Variants in IL1RAPL1 observed in about 807,000 individuals in gnomAD.
IL1RAPL1 encodes the protein interleukin-1 receptor accessory protein-like 1.
In IL1RAPL1, 3 loss-of-function variants were observed where a neutral mutation model predicts 48.4. That is an observed-to-expected ratio of 0.06 (90% CI 0.03 to 0.16). The LOEUF is 0.16. Among genes scored for constraint, IL1RAPL1 ranks in the 10% least tolerant of loss-of-function variants. The probability of loss-of-function intolerance (pLI) is 1.00; values close to 1 mark genes in which losing one functional copy is unlikely to be tolerated. For synonymous variants in IL1RAPL1, 185 were observed against 187.7 expected, an observed-to-expected ratio of 0.99 and a Z score of 0.12; for missense variants, 349 against 530.6, an observed-to-expected ratio of 0.66 and a Z score of 3.36.
At chrX:29,002,710 A>T (rs1925884808) in intron 2 of IL1RAPL1, among the ~76,000 whole-genome samples, 1 of 112,162 alleles carries the variant, frequency 8.9e-6, no homozygotes, top group Non-Finnish European at 1.9e-5. Context: ...CAATTGAAAT[A>T]TTGAAAGCAA....
At position 29,764,434 on chromosome X, in the gene IL1RAPL1, C is replaced by T. The variant is rs527581723; in HGVS notation, c.778+95930C>T. On this transcript the variant is annotated intron_variant, in intron 6 of 10. Coordinates refer to ENST00000378993, the MANE Select transcript of IL1RAPL1 (RefSeq NM_014271.4). ...TTGTTTTTATTAGGAGACAGCCTCTCTGGGTTGCAATAGGTTGCAAGTTAT... is the reference window on the plus strand; with the variant it reads ...TTGTTTTTATTAGGAGACAGCCTCTTTGGGTTGCAATAGGTTGCAAGTTAT... 5.4e-5 allele frequency among the ~76,000 whole-genome samples: 6 copies of T among 112,000 alleles called. No homozygotes were observed. The South Asian group carries it at 1.9e-3, about 35-fold the overall frequency.
intron 2 of IL1RAPL1, among the ~76,000 whole-genome samples, chrX:28,875,257 G>A (rs775648229): frequency 3.6e-5 from 4 of 111,833 alleles, no homozygotes; most frequent in Non-Finnish European, 5.6e-5. Context: ...TTTAGATTAT[G>A]GAAGGAGAAT....
At chrX:29,764,388 C>T (rs960678601) in intron 6 of IL1RAPL1, among the ~76,000 whole-genome samples, 2 of 112,020 alleles carry the variant, frequency 1.8e-5, no homozygotes, top group Non-Finnish European at 3.8e-5. Flanking sequence ...AAGGGAGGGC[C>T]TTTACTGGCT....
At chrX:29,454,783 T>C in intron 5 of IL1RAPL1, among the ~76,000 whole-genome samples, 1 of 109,132 alleles carries the variant, frequency 9.2e-6, no homozygotes, top group East Asian at 2.9e-4. Context: ...TGAGAATACA[T>C]GAAGCTCGCC....
At chrX:29,281,500 C>T in intron 2 of IL1RAPL1, among the ~76,000 whole-genome samples, 1 of 110,750 alleles carries the variant, frequency 9.0e-6, no homozygotes, top group Non-Finnish European at 1.9e-5. Context: ...CATACCCCAC[C>T]CCCATCCTCC....
chrX:29,510,931 C>T (rs899146791), intron 5 of IL1RAPL1, among the ~76,000 whole-genome samples: 11 of 111,834 alleles, frequency 9.8e-5, no homozygotes, highest in African/African-American at 3.2e-4. Context: ...GTCTCTTTCT[C>T]TACTGAACTC....
intron 2 of IL1RAPL1, among the ~76,000 whole-genome samples, chrX:28,939,157 A>G (rs1336681646): frequency 9.0e-6 from 1 of 111,172 alleles, no homozygotes; most frequent in Non-Finnish European, 1.9e-5. Flanking sequence ...CAGAACTACC[A>G]TTCACTCAGC....
intron 2 of IL1RAPL1, among the ~76,000 whole-genome samples, chrX:29,254,906 C>G (rs766285172): frequency 6.3e-5 from 7 of 111,846 alleles, no homozygotes; most frequent in Non-Finnish European, 1.3e-4. Context: ...TTTTTATCCT[C>G]TTATGGAGAA....
chrX:29,663,589 C>A (rs1925911059), intron 5 of IL1RAPL1, among the ~76,000 whole-genome samples: 1 of 111,999 alleles, frequency 8.9e-6, no homozygotes, highest in African/African-American at 3.2e-5. Flanking sequence ...GGACTAAATG[C>A]TATGTTTTGT....
At chrX:28,612,224 CT>C (rs1208161515) in intron 1 of IL1RAPL1, among the ~76,000 whole-genome samples, 9 of 111,928 alleles carry the variant, frequency 8.0e-5, no homozygotes, top group Admixed American at 6.6e-4. Flanking sequence ...CAAATACACC[CT>C]ACTTATATGT....
intron 5 of IL1RAPL1, among the ~76,000 whole-genome samples, chrX:29,604,466 TCTCA>T (rs1383269686): frequency 9.0e-6 from 1 of 111,191 alleles, no homozygotes; most frequent in African/African-American, 3.3e-5. Flanking sequence ...TGAGAGGTAG[TCTCA>T]CTCTGTCACT....
At chrX:29,065,131 G>A (rs922289252) in intron 2 of IL1RAPL1, among the ~76,000 whole-genome samples, 2 of 106,505 alleles carry the variant, frequency 1.9e-5, no homozygotes, top group African/African-American at 6.9e-5. Flanking sequence ...TTGAAATCAG[G>A]TGAAGGAAAT....
intron 2 of IL1RAPL1, among the ~76,000 whole-genome samples, chrX:29,277,644 C>T (rs1186410859): frequency 8.9e-6 from 1 of 111,824 alleles, no homozygotes; most frequent in Non-Finnish European, 1.9e-5. Context: ...AGTCGCTCTC[C>T]CTACTTTTTA....
chrX:29,210,075 G>C (rs1325945425), intron 2 of IL1RAPL1, among the ~76,000 whole-genome samples: 1 of 112,152 alleles, frequency 8.9e-6, no homozygotes, highest in Non-Finnish European at 1.9e-5. Context: ...TGTGTTTTGT[G>C]AGGTATAACT....
chrX:29,626,718 T>C (rs1602333569), intron 5 of IL1RAPL1, among the ~76,000 whole-genome samples: 1 of 112,239 alleles, frequency 8.9e-6, no homozygotes, highest in South Asian at 3.7e-4. Context: ...CTTGTTTCTC[T>C]ACAGTGTTTG....
At chrX:29,203,722 A>AATATAG (rs1419764371) in intron 2 of IL1RAPL1, among the ~76,000 whole-genome samples, 5 of 78,414 alleles carry the variant, frequency 6.4e-5, no homozygotes, top group African/African-American at 2.7e-4. Context: ...TCCGTCTCAA[A>AATATAG]ATATATATAT....
intron 5 of IL1RAPL1, among the ~76,000 whole-genome samples, chrX:29,574,761 T>G (rs947240952): frequency 9.0e-6 from 1 of 111,688 alleles, no homozygotes; most frequent in African/African-American, 3.3e-5. Context: ...AGATCATCCC[T>G]TTGCTCATGC....
chrX:28,731,777 C>T (rs1053760586), intron 1 of IL1RAPL1, among the ~76,000 whole-genome samples: 7 of 111,535 alleles, frequency 6.3e-5, no homozygotes, highest in African/African-American at 2.3e-4. Context: ...TACCTCCTAA[C>T]CCCAGACAAC....
intron 5 of IL1RAPL1, among the ~76,000 whole-genome samples, chrX:29,584,879 C>T (rs892594769): frequency 2.9e-4 from 33 of 112,147 alleles, no homozygotes; most frequent in African/African-American, 1.1e-3. Flanking sequence ...TTCAAGAACA[C>T]TTCACACACA....
Sources: allele counts gnomAD v4.1 joint callset (sites outside exome capture counted in the v4.1 genomes callset), GRCh38; gene constraint gnomAD v4.1.1; transcripts MANE v1.5; gene names NCBI Gene and HGNC (gene_info 2026-07-23, HGNC 2026-07-21).